The following NTN4 variants were observed in gnomAD, a reference collection of about 807,000 sequenced individuals.
NTN4 encodes netrin-4.
Under a neutral mutation model 73.6 loss-of-function variants are expected in NTN4, and 32 were observed. The observed-to-expected ratio is 0.44, with a 90% CI of 0.33 to 0.58. NTN4 has a LOEUF of 0.58. NTN4 is among the 20% of genes least tolerant of loss of function. NTN4 has a pLI of 0.04. For missense variants in NTN4, 654 were observed against 798.3 expected, an observed-to-expected ratio of 0.82 and a Z score of 2.18; for synonymous variants, 258 against 287.5, an observed-to-expected ratio of 0.90 and a Z score of 1.04.
At chr12:95,749,621 C>T (rs2078888898) in intron 2 of NTN4, among the ~76,000 whole-genome samples, 1 of 152,220 alleles carries the variant, frequency 6.6e-6, no homozygotes, top group Admixed American at 6.5e-5. Context: ...AGGCAGCCTT[C>T]CCTTGGTGTT....
At chr12:95,760,979 C>T (rs1592709272) in intron 2 of NTN4, among the ~76,000 whole-genome samples, 1 of 152,232 alleles carries the variant, frequency 6.6e-6, no homozygotes, top group East Asian at 1.9e-4. Context: ...GATTTATTTT[C>T]CTTTCAGCAA....
At chr12:95,707,981 T>C (rs2078532986) in intron 5 of NTN4, among the ~76,000 whole-genome samples, 1 of 152,196 alleles carries the variant, frequency 6.6e-6, no homozygotes, top group Non-Finnish European at 1.5e-5. Flanking sequence ...CGTATATATA[T>C]CTATTCATTT....
intron 7 of NTN4, among the ~76,000 whole-genome samples, chr12:95,680,749 C>T (rs1290046680): frequency 6.6e-6 from 1 of 151,940 alleles, no homozygotes; most frequent in African/African-American, 2.4e-5. Context: ...CTATGTTGTC[C>T]CAGAGTTCAG....
intron 7 of NTN4, chr12:95,671,210 G>A (rs1285780823): frequency 6.6e-6 from 1 of 152,318 alleles, no homozygotes; most frequent in Non-Finnish European, 1.5e-5. Flanking sequence ...TATTGGTCAA[G>A]CTGGTCTTGA....
rs377419035 is a variant in NTN4, at chr12:95,690,096, CA to C, written c.1181-6386del. ...TCACTAGCACTTAGTAAGACGTTAG[CA>C]AATGGTAGATTACAGCTGCTCAAAA... On this transcript the variant is annotated intron_variant, in intron 5 of 9. Transcript: ENST00000343702. 2.9e-3 allele frequency among the ~76,000 whole-genome samples: 445 copies of C among 152,244 alleles called. 4 individuals carry two copies. The highest frequency in any genetic ancestry group is 9.6e-3 in the African/African-American group (397 of 41,532).
chr12:95,683,682 C>G lies in NTN4; in HGVS notation c.1210G>C (p.Val404Leu), dbSNP rs748569240. 29 of 1,612,122 alleles carry G rather than the reference C, an allele frequency of 1.8e-5. No homozygotes were observed. Among genetic ancestry groups the G allele is most frequent in the African/African-American group, 2.7e-5 (2 of 74,888 alleles). Residue 404 changes from valine (V) to leucine (L), a missense_variant, in exon 6 of 10, where the codon GTC (valine) becomes CTC (leucine). Transcript: ENST00000343702. ...AAGGTCACTGAGTTGGCAGGAAGGA[C>G]AGCTGATCCTACTGGATGGCAGGAA... ...PCSCHPVGSA[V>L]LPANSVTFCD...
At chr12:95,751,691 A>G (rs1305671369) in intron 2 of NTN4, among the ~76,000 whole-genome samples, 3 of 151,950 alleles carry the variant, frequency 2.0e-5, no homozygotes, top group Admixed American at 2.0e-4. Context: ...CTAGACCATC[A>G]CGGACGCCAA....
chr12:95,787,542 C>T (rs2079178726), intron 1 of NTN4, 74 bp from the exon 2 acceptor site: 2 of 1,462,618 alleles, frequency 1.4e-6, no homozygotes, highest in African/African-American at 1.4e-5. Context: ...AGTCCATCAA[C>T]AACAGTCAAG....
intron 2 of NTN4, among the ~76,000 whole-genome samples, chr12:95,745,650 T>C (rs1033102056): frequency 6.6e-6 from 1 of 152,170 alleles, no homozygotes; most frequent in Non-Finnish European, 1.5e-5. Context: ...TTCTATTGAT[T>C]TGTTTTTCTT....
rs182266134 is a variant in NTN4 at position 95,664,574 on chromosome 12, A to G, written c.1750+1236T>C. ...CTCTCTTTCTCTTTCTCTCTCAGTT[A>G]TCTGCTTCTCTCAAATTTATTAATC... On this transcript the variant is annotated intron_variant, in intron 9 of 9. Transcript: ENST00000343702. Among the ~76,000 whole-genome samples the G allele has an allele frequency of 3.0e-4, 36 of 121,624 alleles. 2 individuals are homozygous for G. The Admixed American group carries it at 3.3e-3, about 11-fold the overall frequency. The allele number at this position is 121,624 out of a possible 152,430, so 79.8% of individuals were successfully genotyped here. A position where few individuals can be genotyped will look rare whatever the true frequency, so the allele number is the denominator to read the frequency against.
intron 8 of NTN4, among the ~76,000 whole-genome samples, chr12:95,669,607 A>G (rs2078211486): frequency 6.6e-6 from 1 of 152,040 alleles, no homozygotes; most frequent in Admixed American, 6.6e-5. Context: ...TCTCCCACCA[A>G]TAAGCCAGAA....
chr12:95,790,928 C>CGGAG (rs1555222864), upstream of NTN4, among the ~76,000 whole-genome samples: 1 of 117,128 alleles, frequency 8.5e-6, no homozygotes, highest in Admixed American at 9.9e-5. This position sits in a 1 kb window ranked among gnomAD's most constrained non-coding sequence, Gnocchi z 6.5. Context: ...CGCTGCCGCC[C>CGGAG]GGGGGGGGGG....
chr12:95,725,006 A>AGGATTTTT lies in NTN4; in HGVS notation c.865-11669_865-11668insAAAAATCC, dbSNP rs1454896864. On this transcript the variant is annotated intron_variant, in intron 3 of 9. Transcript: ENST00000343702. Reference sequence around the variant, plus strand: ...ATCTTAGAACAGTGATGTCATCAGGATTTTTTTTTTTTTTTTGCTTCCCAC... The same window carrying AGGATTTTT: ...ATCTTAGAACAGTGATGTCATCAGGAGGATTTTTTTTTTTTTTTTTTTTTGCTTCCCAC... 1.9e-4 allele frequency among the ~76,000 whole-genome samples: 26 copies of AGGATTTTT among 135,846 alleles called. 2 individuals carry two copies. Among genetic ancestry groups the AGGATTTTT allele is most frequent in the Admixed American group, 4.4e-4 (6 of 13,564 alleles). The allele number at this position is 135,846 out of a possible 152,430, so 89.1% of individuals were successfully genotyped here. A position where few individuals can be genotyped will look rare whatever the true frequency, so the allele number is the denominator to read the frequency against.
chr12:95,697,298 A>G (rs1322887710), intron 5 of NTN4, among the ~76,000 whole-genome samples: 1 of 152,192 alleles, frequency 6.6e-6, no homozygotes, highest in East Asian at 1.9e-4. Flanking sequence ...CTTTCACCCA[A>G]TTATATCCAA....
intron 3 of NTN4, among the ~76,000 whole-genome samples, chr12:95,725,206 G>T (rs1487465780): frequency 6.6e-6 from 1 of 151,976 alleles, no homozygotes; most frequent in East Asian, 1.9e-4. Context: ...CAACTATTAG[G>T]CAAGAACCTG....
chr12:95,670,952 TTATGTATGTATGTATGTATG>T (rs10534793), intron 7 of NTN4: 1 of 148,824 alleles, frequency 6.7e-6, no homozygotes. Context: ...ATAGTTTATT[TTATGTATGTATGTATGTATG>T]TATGTATGTA....
intron 8 of NTN4, among the ~76,000 whole-genome samples, chr12:95,668,582 T>C (rs768658616): frequency 4.6e-5 from 7 of 152,252 alleles, no homozygotes; most frequent in Non-Finnish European, 1.0e-4. Flanking sequence ...TAAAATCTTG[T>C]ATGAGATTAG....
Position 95,708,272 on chromosome 12 carries a change from ATTT to A in NTN4, c.1180+2166_1180+2168del. 2.9e-5 allele frequency among the ~76,000 whole-genome samples: 4 copies of A among 137,152 alleles called. No homozygotes were observed. In the Middle Eastern group the frequency reaches 0.014, roughly 483 times the overall value. The allele number at this position is 137,152 out of a possible 152,430, so 90.0% of individuals were successfully genotyped here. A position where few individuals can be genotyped will look rare whatever the true frequency, so the allele number is the denominator to read the frequency against. ...TTATTGTTATTTTATTTATTTATTTATTTATTTATTTATTTATTTATTTATTTA... is the reference window on the plus strand; with the variant it reads ...TTATTGTTATTTTATTTATTTATTTAATTTATTTATTTATTTATTTATTTA... On this transcript the variant is annotated intron_variant, in intron 5 of 9. Transcript: ENST00000343702.
chr12:95,748,244 AAAAAG>A (rs565231027), intron 2 of NTN4, among the ~76,000 whole-genome samples: 114 of 138,380 alleles, frequency 8.2e-4, no homozygotes, highest in Middle Eastern at 4.1e-3. Context: ...AAAAAAAAAA[AAAAAG>A]AAAAGAAAAG....
Sources: allele counts gnomAD v4.1 joint callset (sites outside exome capture counted in the v4.1 genomes callset), GRCh38; gene constraint gnomAD v4.1.1; non-coding constraint Gnocchi (gnomAD v3.1); transcripts MANE v1.5; gene names NCBI Gene and HGNC (gene_info 2026-07-23, HGNC 2026-07-21).